CACNA1S: variants seen among roughly 807,000 people sequenced by gnomAD.
The protein encoded by CACNA1S is voltage-dependent L-type calcium channel subunit alpha-1S.
A neutral mutation model predicts 207.4 loss-of-function variants in CACNA1S; 126 were observed. The ratio of observed to expected loss-of-function variants is 0.61; its 90% confidence interval spans 0.53 to 0.70. The LOEUF is 0.70. CACNA1S is among the 30% of genes least tolerant of loss of function. The pLI is 0.00. For synonymous variants in CACNA1S, 960 were observed against 932.7 expected (o/e 1.03, Z -0.53); for missense variants, 2,349 against 2,422.8 (o/e 0.97, Z 0.64).
Position 201,058,485 on chromosome 1 carries a change from A to C in CACNA1S, c.3532T>G (p.Phe1178Val), listed in dbSNP as rs768999591. Reference protein sequence around the residue: ...KLMAFKARGYFGDPWNVFDFL... With the variant: ...KLMAFKARGYVGDPWNVFDFL... ...TCAAACACATTCCAGGGGTCTCCAA[A>C]GTAGCCCTGGGAAGGAAAAGGATGG... Residue 1178 changes from phenylalanine to valine, a missense_variant, in exon 28 of 44, where the codon TTT (phenylalanine) becomes GTT (valine). By Grantham distance (50) the Phe-to-Val change is conservative. Coordinates refer to ENST00000362061, the MANE Select transcript of CACNA1S (RefSeq NM_000069.3). The C allele has an allele frequency of 5.6e-6, 9 of 1,613,474 alleles. No individual in the cohort carries two copies. In the Admixed American group the frequency reaches 6.7e-5, roughly 12 times the overall value.
intron 5 of CACNA1S, among the ~76,000 whole-genome samples, 192 bp from the exon 6 acceptor site, chr1:201,089,655 C>T (rs934362130): frequency 6.6e-6 from 1 of 152,234 alleles, no homozygotes; most frequent in South Asian, 2.1e-4. Flanking sequence ...AGGATGGCTA[C>T]AGGCAGCGGG....
At position 201,047,547 on chromosome 1, in the gene CACNA1S, G is replaced by A. The variant is rs150962971; in HGVS notation, c.4521C>T (p.Asp1507=). ...IWKRTSMKLL[D]QVIPPIGDDE... is the part of the protein sequence containing the mutation. ...TACCTCCTATTGGAGGGATGACCTG[G>A]TCCAAGAGCTTCATGCTGGTTCTCT... is the stretch of plus-strand genomic sequence containing the variant. Residue 1507 remains aspartate (D), a synonymous_variant, in exon 37 of 44, where the codon GAC becomes GAT. Coordinates refer to ENST00000362061, the MANE Select transcript of CACNA1S (RefSeq NM_000069.3). 7.9e-5 allele frequency: 127 copies of A among 1,614,026 alleles called. 2 individuals are homozygous for A. The African/African-American group carries it at 1.4e-3, about 18-fold the overall frequency.
rs202120583 is a variant in CACNA1S, at chr1:201,044,394, G to C, written c.4731C>G (p.Asp1577Glu). The stretch of plus-strand genomic sequence containing the variant: ...TCTCCAGCTCCTCCTCAGCAGCCAG[G>C]TCTCCTGAGACCGTGCGACAGATCT... ...APEICRTVSG[D>E]LAAEEELERA... The change falls in exon 39 of 44, where the codon GAC becomes GAG. Residue 1577 changes from aspartate (D) to glutamate (E), a missense_variant. Transcript: ENST00000362061. 86 of 1,613,506 alleles carry C rather than the reference G, an allele frequency of 5.3e-5. No individual in the cohort carries two copies. The highest frequency in any genetic ancestry group is 3.9e-5 in the Non-Finnish European group (46 of 1,179,926).
rs771127532 is a variant in CACNA1S at position 201,112,259 on chromosome 1, T to C, written c.81A>G (p.Pro27=). The part of the protein sequence containing the change: ...KKPVPEILPR[P]PRALFCLTLE... ...GGGTCAGGCAGAACAAGGCCCGGGG[T>C]GGCCTTGGCAGAATCTCAGGAACTG... is the stretch of plus-strand genomic sequence containing the variant. The change falls in exon 1 of 44, where the codon CCA becomes CCG. Residue 27 remains proline (P), a synonymous_variant. Coordinates refer to ENST00000362061, the MANE Select transcript of CACNA1S (RefSeq NM_000069.3). 9 of 1,613,170 alleles carry C rather than the reference T, an allele frequency of 5.6e-6. No homozygotes were observed. Among genetic ancestry groups the C allele is most frequent in the African/African-American group, 1.3e-5 (1 of 74,668 alleles).
intron 12 of CACNA1S, among the ~76,000 whole-genome samples, chr1:201,076,322 C>T (rs1661619446): frequency 6.6e-6 from 1 of 152,246 alleles, no homozygotes; most frequent in Non-Finnish European, 1.5e-5. Context: ...GACGATCACA[C>T]ACTGCCTTTC....
At chr1:201,062,150 C>T in intron 23 of CACNA1S, 60 bp from the exon 24 acceptor site, 2 of 1,581,870 alleles carry the variant, frequency 1.3e-6, no homozygotes, top group South Asian at 1.1e-5. Context: ...GCCCCACCCA[C>T]ATCCTCTGGG....
In CACNA1S at chr1:201,051,128, C is replaced by T; in HGVS notation, c.3969G>A (p.Glu1323=). ...AGGCCAGTAGGATCTCCTGCCAGGCCTCACCTGTTGCACACCTAGAGGACA... is the reference window on the plus strand; with the variant it reads ...AGGCCAGTAGGATCTCCTGCCAGGCTTCACCTGTTGCACACCTAGAGGACA... ...VLLLFRCATG[E]AWQEILLACS... is the part of the protein sequence containing the mutation. Residue 1323 remains glutamate, a synonymous_variant, in exon 33 of 44, where the codon GAG becomes GAA. Transcript: ENST00000362061. 1 of 1,614,240 alleles carries T rather than the reference C, an allele frequency of 6.2e-7. No individual in the cohort carries two copies. Among genetic ancestry groups the T allele is most frequent in the Non-Finnish European group, 8.5e-7 (1 of 1,180,032 alleles).
In CACNA1S at chr1:201,087,731, C is replaced by A. The variant is rs999381543; in HGVS notation, c.1004+95G>T. The A allele has an allele frequency of 4.8e-6, 4 of 832,376 alleles. No homozygotes were observed. The Admixed American group carries it at 6.0e-5, about 12-fold the overall frequency. 51.6% of individuals were successfully genotyped at this position (832,376 alleles called of 1,614,324 possible). On this transcript the variant is annotated intron_variant, in intron 7 of 43. Transcript: ENST00000362061. ...CCTCCTCTCCACTCGCCCCCCACCC[C>A]TCCTGTTTCTTTTCCCTCCGTTCCT...
intron 25 of CACNA1S, 45 bp downstream of exon 25, chr1:201,061,222 C>T: frequency 6.4e-7 from 1 of 1,559,586 alleles, no homozygotes; most frequent in Non-Finnish European, 8.8e-7. Context: ...CAGCAGGAGG[C>T]CTGCTGGAGC....
At chr1:201,093,089 C>T (rs1159433374) in intron 3 of CACNA1S, among the ~76,000 whole-genome samples, 1 of 152,208 alleles carries the variant, frequency 6.6e-6, no homozygotes, top group Non-Finnish European at 1.5e-5. Context: ...CTATTGTTAT[C>T]ATTACGTGGT....
At chr1:201,076,479 C>T (rs1228510483) in intron 12 of CACNA1S, among the ~76,000 whole-genome samples, 2 of 152,282 alleles carry the variant, frequency 1.3e-5, no homozygotes, top group African/African-American at 4.8e-5. Flanking sequence ...CCTTGGGTGG[C>T]TGATAGTGAA....
chr1:201,085,831 C>T (rs1662022510), intron 7 of CACNA1S, among the ~76,000 whole-genome samples: 1 of 152,128 alleles, frequency 6.6e-6, no homozygotes, highest in African/African-American at 2.4e-5. Context: ...TTTCTTTCTT[C>T]TCATCCATCT....
chr1:201,091,949 T>A, intron 4 of CACNA1S, 23 bp downstream of exon 4: 2 of 1,613,282 alleles, frequency 1.2e-6, no homozygotes, highest in Admixed American at 1.7e-5. Context: ...GAGAAAGGGG[T>A]CTGCAGGGAC....
At position 201,066,376 on chromosome 1, in the gene CACNA1S, G is replaced by C; in HGVS notation, c.2658-60C>G. The C allele has an allele frequency of 7.0e-7, 1 of 1,438,734 alleles. No individual in the cohort carries two copies. The highest frequency in any genetic ancestry group is 1.1e-5 in the South Asian group (1 of 87,810). 89.1% of individuals were successfully genotyped at this position (1,438,734 alleles called of 1,614,324 possible). The stretch of plus-strand genomic sequence containing the variant: ...GCCTGCTCCAGCCAGCCCAGTCTGC[G>C]GTGGAGCCTCCAGCCATATCCTGCC... On this transcript the variant is annotated intron_variant, in intron 20 of 43. Coordinates refer to ENST00000362061, the MANE Select transcript of CACNA1S (RefSeq NM_000069.3). This position sits in a 1 kb window ranked among gnomAD's most constrained non-coding sequence, Gnocchi z 4.3.
chr1:201,052,430 A>G (rs1660686076), intron 32 of CACNA1S, 127 bp downstream of exon 32: 1 of 748,190 alleles, frequency 1.3e-6, no homozygotes, highest in Non-Finnish European at 2.4e-6. Flanking sequence ...CCTTCTGAGT[A>G]TAGGACCCTG....
chr1:201,049,673 G>T (rs980433717), intron 34 of CACNA1S, among the ~76,000 whole-genome samples: 2 of 152,104 alleles, frequency 1.3e-5, no homozygotes. Context: ...GGCAGGCTGC[G>T]AAAAAGAGAT....
intron 12 of CACNA1S, 97 bp downstream of exon 12, chr1:201,076,823 G>A: frequency 1.8e-6 from 2 of 1,129,562 alleles, no homozygotes; most frequent in Non-Finnish European, 2.7e-6. Context: ...ATCAGACAAG[G>A]CTTCCTGGAG....
chr1:201,093,736 G>A (rs781378785), intron 3 of CACNA1S, 146 bp downstream of exon 3: 2 of 970,364 alleles, frequency 2.1e-6, no homozygotes, highest in Non-Finnish European at 3.2e-6. Flanking sequence ...CCCTTGCTGG[G>A]CCGGCCTCTA....
In CACNA1S at chr1:201,091,812, A is replaced by C. The variant is rs752537224; in HGVS notation, c.542-20T>G. The C allele has an allele frequency of 1.2e-6, 2 of 1,610,070 alleles. No homozygotes were observed. The highest frequency in any genetic ancestry group is 2.2e-5 in the South Asian group (2 of 90,808). On this transcript the variant is annotated intron_variant, in intron 4 of 43. Transcript: ENST00000362061. Reference sequence around the variant, plus strand: ...GCAGGCCTGCAGAGGCAGGCAGGGAAGGGAAAAGAGGAGTCGCCTCTGCTT... The same window carrying C: ...GCAGGCCTGCAGAGGCAGGCAGGGACGGGAAAAGAGGAGTCGCCTCTGCTT...
Sources: allele counts gnomAD v4.1 joint callset (sites outside exome capture counted in the v4.1 genomes callset), GRCh38; gene constraint gnomAD v4.1.1; non-coding constraint Gnocchi (gnomAD v3.1); transcripts MANE v1.5; gene names NCBI Gene and HGNC (gene_info 2026-07-23, HGNC 2026-07-21).